Variants in MARCHF2 observed in about 807,000 individuals in gnomAD.
MARCHF2 encodes E3 ubiquitin-protein ligase MARCHF2.
A neutral mutation model predicts 24.0 loss-of-function variants in MARCHF2; 22 were observed. The ratio of observed to expected loss-of-function variants is 0.92; its 90% CI spans 0.66 to 1.31. MARCHF2 has a LOEUF of 1.31. Among genes scored for constraint, MARCHF2 ranks in the 50% most tolerant of loss-of-function variants. The probability of loss-of-function intolerance (pLI) is 0.00; values close to 1 mark genes in which losing one functional copy is unlikely to be tolerated. For synonymous variants in MARCHF2, 154 were observed against 153.0 expected, an observed-to-expected ratio of 1.01 and a Z score of -0.05; for missense variants, 301 against 335.3, an observed-to-expected ratio of 0.90 and a Z score of 0.80.
intron 2 of MARCHF2, among the ~76,000 whole-genome samples, chr19:8,425,417 T>A (rs911024702): frequency 2.1e-5 from 3 of 146,338 alleles, no homozygotes; most frequent in Admixed American, 6.9e-5. Flanking sequence ...AAAAAGAAAA[T>A]TTTTTTTTTA....
At chr19:8,428,043 G>A (rs1327843246) in intron 3 of MARCHF2, among the ~76,000 whole-genome samples, 2 of 151,770 alleles carry the variant, frequency 1.3e-5, no homozygotes, top group African/African-American at 4.8e-5. Context: ...GGCGGATCAC[G>A]AGGTCAGGAG....
At chr19:8,437,706 G>A (rs991351855) in intron 4 of MARCHF2, among the ~76,000 whole-genome samples, 9 of 134,602 alleles carry the variant, frequency 6.7e-5, no homozygotes, top group Admixed American at 2.2e-4. Flanking sequence ...TTGTTTGCAC[G>A]TTCTGGTTGC....
At chr19:8,413,457 A>T (rs1466046143) in intron 1 of MARCHF2, 37 bp downstream of exon 1, 2 of 151,684 alleles carry the variant, frequency 1.3e-5, no homozygotes, top group Non-Finnish European at 2.9e-5. Context: ...GGAGGACGCC[A>T]GTCCGCGGGC....
At chr19:8,422,059 TCTC>T in intron 2 of MARCHF2, 43 bp downstream of exon 2, 1 of 1,560,560 alleles carries the variant, frequency 6.4e-7, no homozygotes, top group East Asian at 2.3e-5. Flanking sequence ...TGTTGCCTCT[TCTC>T]TCTGGGCGCA....
intron 2 of MARCHF2, among the ~76,000 whole-genome samples, chr19:8,424,894 G>T (rs1466646971): frequency 1.3e-5 from 2 of 152,034 alleles, no homozygotes; most frequent in Non-Finnish European, 2.9e-5. Flanking sequence ...CATGAGCAGG[G>T]GTGCGTGCTG....
chr19:8,421,775 T>C lies in MARCHF2; in HGVS notation c.-52-14T>C, dbSNP rs1967250363. The C allele has an allele frequency of 6.8e-7, 1 of 1,475,464 alleles. No homozygotes were observed. The allele number at this position is 1,475,464 out of a possible 1,614,324, so 91.4% of individuals were successfully genotyped here. A position where few individuals can be genotyped will look rare whatever the true frequency, so the allele number is the denominator to read the frequency against. ...TTAACCTTGCCCCTAACCTCCGCAC[T>C]GGCCTGTTCCCAGGCTCCTGGAACC... On this transcript the variant is annotated splice_polypyrimidine_tract_variant and intron_variant, in intron 1 of 4. Coordinates refer to ENST00000215555, the MANE Select transcript of MARCHF2 (RefSeq NM_001005415.2).
chr19:8,435,420 C>T (rs936671395), intron 4 of MARCHF2, among the ~76,000 whole-genome samples: 8 of 152,132 alleles, frequency 5.3e-5, no homozygotes, highest in Non-Finnish European at 1.0e-4. Context: ...CTGCTCCATA[C>T]GCACACAACT....
intron 1 of MARCHF2, among the ~76,000 whole-genome samples, chr19:8,414,387 C>G (rs1208014641): frequency 2.8e-4 from 43 of 151,956 alleles, no homozygotes; most frequent in Admixed American, 2.8e-3. Flanking sequence ...CCTACCTCAC[C>G]CTGGTCAAGT....
rs769714910 is a variant in MARCHF2 at position 8,438,560 on chromosome 19, C to T, written c.*14C>T. On this transcript the variant is annotated 3_prime_UTR_variant, in exon 5 of 5. Transcript: ENST00000215555. ...ACACCAGTATGAATGCTGGGCTCTCCGGACCCTGCAGCAGAGAGGCCAGAG... is the reference window on the plus strand; with the variant it reads ...ACACCAGTATGAATGCTGGGCTCTCTGGACCCTGCAGCAGAGAGGCCAGAG... The T allele has an allele frequency of 1.2e-5, 20 of 1,612,902 alleles. No individual in the cohort carries two copies. The highest frequency in any genetic ancestry group is 2.2e-5 in the East Asian group (1 of 44,858).
chr19:8,432,956 C>T (rs1967619620), intron 4 of MARCHF2, among the ~76,000 whole-genome samples: 1 of 151,922 alleles, frequency 6.6e-6, no homozygotes, highest in African/African-American at 2.4e-5. Flanking sequence ...TGGTGACTCA[C>T]GCCTGTAATC....
At chr19:8,415,721 CAA>C (rs1309501077) in intron 1 of MARCHF2, among the ~76,000 whole-genome samples, 2 of 17,844 alleles carry the variant, frequency 1.1e-4, no homozygotes. Flanking sequence ...AACTCCATCT[CAA>C]AAAAAAAAAA....
intron 2 of MARCHF2, among the ~76,000 whole-genome samples, chr19:8,424,360 A>C (rs1244914979): frequency 6.6e-6 from 1 of 151,780 alleles, no homozygotes; most frequent in Non-Finnish European, 1.5e-5. Context: ...GCCCGCAAAG[A>C]TGTCCTTAAG....
At chr19:8,428,649 CAAAAAAAAAAAAA>C (rs59542078) in intron 3 of MARCHF2, among the ~76,000 whole-genome samples, 19 of 30,642 alleles carry the variant, frequency 6.2e-4, no homozygotes, top group African/African-American at 2.0e-3. Flanking sequence ...GACTCTATCT[CAAAAAAAAAAAAA>C]AAAAAAAAAA....
intron 3 of MARCHF2, among the ~76,000 whole-genome samples, chr19:8,428,696 G>A (rs1001131325): frequency 1.3e-4 from 18 of 142,994 alleles, no homozygotes; most frequent in Admixed American, 1.1e-3. Flanking sequence ...AAGGCTGGAC[G>A]TGGTGGCTCA....
At chr19:8,426,230 C>CA (rs71175854) in intron 2 of MARCHF2, among the ~76,000 whole-genome samples, 12,835 of 42,540 alleles carry the variant, frequency 0.3, 2,862 homozygotes, top group Non-Finnish European at 0.41. Flanking sequence ...GACTCTGTCT[C>CA]AAAAAAAAAA....
intron 3 of MARCHF2, among the ~76,000 whole-genome samples, chr19:8,429,485 A>C (rs1418807520): frequency 8.6e-5 from 2 of 23,142 alleles, no homozygotes; most frequent in Non-Finnish European, 1.6e-4. Flanking sequence ...AGAACTTATT[A>C]TTATTATTAT....
chr19:8,437,117 C>T (rs1967746465), intron 4 of MARCHF2, among the ~76,000 whole-genome samples: 1 of 151,722 alleles, frequency 6.6e-6, no homozygotes, highest in Non-Finnish European at 1.5e-5. Flanking sequence ...GTAGCTGGGA[C>T]CACAGGCCTG....
intron 2 of MARCHF2, among the ~76,000 whole-genome samples, chr19:8,423,999 A>G (rs985592871): frequency 1.3e-5 from 2 of 151,194 alleles, no homozygotes; most frequent in East Asian, 1.9e-4. Context: ...AAAAAAAAAA[A>G]AAAAGAAAGA....
At chr19:8,423,204 C>G (rs984178748) in intron 2 of MARCHF2, among the ~76,000 whole-genome samples, 142 of 150,480 alleles carry the variant, frequency 9.4e-4, no homozygotes, top group African/African-American at 3.4e-3. Flanking sequence ...GGATTACAGC[C>G]CCCCCGCCCC....
Sources: allele counts gnomAD v4.1 joint callset (sites outside exome capture counted in the v4.1 genomes callset), GRCh38; gene constraint gnomAD v4.1.1; transcripts MANE v1.5; gene names NCBI Gene and HGNC (gene_info 2026-07-23, HGNC 2026-07-21).